FLNA: variants seen among roughly 807,000 people sequenced by gnomAD.
FLNA encodes the protein filamin-A.
In FLNA, 7 loss-of-function variants were observed where a neutral mutation model predicts 157.6. That is an observed-to-expected ratio of 0.04 (90% confidence interval 0.03 to 0.08). FLNA has a LOEUF of 0.08. Among genes scored for constraint, FLNA ranks in the 10% least tolerant of loss-of-function variants. FLNA has a pLI of 1.00. For missense variants in FLNA, 1,750 were observed against 2,398.4 expected (o/e 0.73, Z 5.65); for synonymous variants, 1,103 against 1,060.8 (o/e 1.04, Z -0.77).
intron 22 of FLNA, 27 bp downstream of exon 22, chrX:154,359,963 C>T: frequency 8.3e-7 from 1 of 1,205,479 alleles, no homozygotes; most frequent in Non-Finnish European, 1.1e-6. Flanking sequence ...TGTCCCCCGT[C>T]ACATACCCCA....
chrX:154,371,387 T>G, intron 1 of FLNA, 26 bp from the exon 2 acceptor site: 8 of 654,748 alleles, frequency 1.2e-5, no homozygotes, highest in Non-Finnish European at 1.3e-5. Flanking sequence ...GCCCTTTAAA[T>G]GCGGGAGGAG....
intron 31 of FLNA, 45 bp downstream of exon 31, chrX:154,354,780 G>T (rs782465857): frequency 1.1e-5 from 13 of 1,209,617 alleles, no homozygotes; most frequent in Non-Finnish European, 1.5e-5. Context: ...AACAGGCCGG[G>T]ACCTGCCAGA....
intron 5 of FLNA, 38 bp downstream of exon 5, chrX:154,367,359 G>A (rs782446976): frequency 9.2e-6 from 11 of 1,201,138 alleles, no homozygotes; most frequent in Admixed American, 2.2e-5. Flanking sequence ...TGGGGAAGAC[G>A]TTGGCACACG....
chrX:154,355,759 C>T (rs10458341), intron 30 of FLNA, among the ~76,000 whole-genome samples: 28 of 112,916 alleles, frequency 2.5e-4, no homozygotes, highest in African/African-American at 7.7e-4. Context: ...TGCTGGGTTG[C>T]GAGGGCAGAG....
intron 5 of FLNA, 86 bp from the exon 6 acceptor site, chrX:154,366,936 C>T (rs370054223): frequency 1.3e-6 from 1 of 748,581 alleles, no homozygotes; most frequent in Admixed American, 2.2e-5. Flanking sequence ...CTGCTGGCCC[C>T]TAAGTCAGGC....
chrX:154,353,249 C>T (rs2067635693), intron 37 of FLNA, 45 bp from the exon 38 acceptor site: 1 of 1,208,596 alleles, frequency 8.3e-7, no homozygotes, highest in African/African-American at 1.7e-5. Flanking sequence ...CATGGCTCCC[C>T]ACAGGCTGCC....
At chrX:154,360,696 A>T in intron 21 of FLNA, 109 bp from the exon 22 acceptor site, 1 of 726,599 alleles carries the variant, frequency 1.4e-6, no homozygotes, top group Non-Finnish European at 2.0e-6. Flanking sequence ...CCCTCACCAA[A>T]CAGGGACACG....
chrX:154,373,693 C>T (rs2067823818), intron 1 of FLNA, among the ~76,000 whole-genome samples: 1 of 112,677 alleles, frequency 8.9e-6, no homozygotes, highest in Admixed American at 9.3e-5. Context: ...GCCTGCGTAG[C>T]CAGGGGGCGC....
intron 21 of FLNA, 107 bp downstream of exon 21, chrX:154,361,195 GAAAAAA>G (rs34190826): frequency 3.1e-5 from 18 of 584,952 alleles, no homozygotes; most frequent in Admixed American, 8.3e-5. Context: ...TCTGTCTCAG[GAAAAAA>G]AAAAAAAAAA....
chrX:154,351,905 C>A lies in FLNA; in HGVS notation c.6886G>T (p.Ala2296Ser). 1 of 1,211,769 alleles carries A rather than the reference C, an allele frequency of 8.3e-7. No individual in the cohort carries two copies. Among genetic ancestry groups the A allele is most frequent in the African/African-American group, 1.7e-5 (1 of 57,921 alleles). The change falls in exon 42 of 48, where the codon GCT becomes TCT. Residue 2296 changes from alanine (A) to serine (S), a missense_variant. Physicochemically the swap from Ala to Ser is moderately conservative, Grantham distance 99 (BLOSUM62 1). Transcript: ENST00000369850. ...GTACCTGGCTCCTGGACCACATAAG[C>A]CACACCACAGGAGCCGTCCTTGCGG... ...EDRKDGSCGV[A>S]YVVQEPGDYE...
intron 44 of FLNA, 99 bp from the exon 45 acceptor site, chrX:154,350,306 G>T: frequency 1.2e-6 from 1 of 823,431 alleles, no homozygotes. Context: ...TCCCCATTTT[G>T]CCGGTCCATC....
At position 154,364,431 on chromosome X, in the gene FLNA, C is replaced by G. The variant is rs1193172900; in HGVS notation, c.2023-59G>C. Reference sequence around the variant, plus strand: ...GGTCCAGGCTGCCAGAGCTACAACCCAGGCAGGGTGGCCAGGGACACAGAG... The same window carrying G: ...GGTCCAGGCTGCCAGAGCTACAACCGAGGCAGGGTGGCCAGGGACACAGAG... On this transcript the variant is annotated intron_variant, in intron 13 of 47. Coordinates refer to ENST00000369850, the MANE Select transcript of FLNA (RefSeq NM_001110556.2). 7 of 1,188,957 alleles carry G rather than the reference C, an allele frequency of 5.9e-6. No individual in the cohort carries two copies. The African/African-American group carries it at 1.2e-4, about 21-fold the overall frequency.
At chrX:154,350,601 CTGCCCCAGGCCTG>C (rs1253116708) in intron 44 of FLNA, 4 of 384,612 alleles carry the variant, frequency 1.0e-5, no homozygotes, top group Non-Finnish European at 1.8e-5. Flanking sequence ...ACCCACAAGG[CTGCCCCAGGCCTG>C]TGCACAAGTA....
rs781993685 is a variant in FLNA, at chrX:154,354,926, C to G, written c.5116G>C (p.Gly1706Arg). ...GCCGTGTAGAAGATGTCGAAAGTGC[C>G]GTCCTCATTCTCCACCACGTCCACA... ...VDVDVVENED[G>R]TFDIFYTAPQ... The change falls in exon 31 of 48, where the codon GGC becomes CGC. Residue 1706 changes from glycine to arginine, a missense_variant. Gly to Arg is a moderately radical substitution (Grantham distance 125). Transcript: ENST00000369850. 1.7e-6 allele frequency: 2 copies of G among 1,212,090 alleles called. No individual in the cohort carries two copies. Among genetic ancestry groups the G allele is most frequent in the Non-Finnish European group, 2.2e-6 (2 of 895,576 alleles).
rs782320016 is a variant in FLNA at position 154,359,942 on chromosome X, G to T, written c.3806-37C>A. ...CAGAGAGGAGGCTTGGGGCTCGGGG[G>T]TTCTGGTCCCTGTCCCCCGTCACAT... On this transcript the variant is annotated intron_variant, in intron 22 of 47. Transcript: ENST00000369850. 8 of 1,207,651 alleles carry T rather than the reference G, an allele frequency of 6.6e-6. No homozygotes were observed. In the South Asian group the frequency reaches 1.2e-4, roughly 19 times the overall value.
intron 1 of FLNA, among the ~76,000 whole-genome samples, chrX:154,372,947 C>T (rs891832402): frequency 8.9e-6 from 1 of 111,855 alleles, no homozygotes; most frequent in Non-Finnish European, 1.9e-5. Flanking sequence ...GCCTGTGGCC[C>T]CACTGGTTTT....
At chrX:154,354,505 T>A (rs369330291) in intron 32 of FLNA, 22 bp from the exon 33 acceptor site, 8 of 1,194,788 alleles carry the variant, frequency 6.7e-6, no homozygotes, top group Admixed American at 2.2e-5. Context: ...ACACAGGGCA[T>A]GGGTGAGGGA....
intron 30 of FLNA, 41 bp downstream of exon 30, chrX:154,357,210 G>A (rs781886913): frequency 1.7e-6 from 2 of 1,183,654 alleles, no homozygotes; most frequent in East Asian, 5.9e-5. Flanking sequence ...TGCCCCTCTG[G>A]GCAGGAGGGG....
chrX:154,349,041 G>C lies in FLNA; in HGVS notation c.7757-5C>G. 5 of 1,202,557 alleles carry C rather than the reference G, an allele frequency of 4.2e-6. No homozygotes were observed. Among genetic ancestry groups the C allele is most frequent in the Non-Finnish European group, 5.6e-6 (5 of 890,465 alleles). On this transcript the variant is annotated splice_region_variant and splice_polypyrimidine_tract_variant and intron_variant, in intron 47 of 47. Coordinates refer to ENST00000369850, the MANE Select transcript of FLNA (RefSeq NM_001110556.2). ...CCACCAGCAGCATGTTGTTGCCTGA[G>C]GCAAGAGGGGTCCTCAGTCCCAGGT...
Sources: gnomAD v4.1 joint callset for allele counts (sites outside exome capture counted in the v4.1 genomes callset) on GRCh38, gnomAD v4.1.1 for gene constraint, MANE v1.5 for transcripts, NCBI Gene and HGNC (gene_info 2026-07-23, HGNC 2026-07-21) for gene names.